FHIP1A: variants seen among roughly 807,000 people sequenced by gnomAD.
FHIP1A encodes the protein FHF complex subunit HOOK interacting protein 1A.
FHIP1A carries 61 observed loss-of-function variants against 88.6 expected under a neutral mutation model. The observed-to-expected ratio is 0.69, with a 90% CI of 0.56 to 0.85. The LOEUF (loss-of-function observed/expected upper bound fraction) is 0.85. Ranked by LOEUF, FHIP1A falls within the 40% of genes least tolerant of loss-of-function variation. The pLI, the probability that FHIP1A is intolerant of heterozygous loss-of-function variation, is 0.00. For synonymous variants in FHIP1A, 478 were observed against 496.0 expected, an observed-to-expected ratio of 0.96 and a Z score of 0.48; for missense variants, 1,154 against 1,273.5, an observed-to-expected ratio of 0.91 and a Z score of 1.43.
At chr4:151,640,232 A>C (rs1315934709) in intron 9 of FHIP1A, among the ~76,000 whole-genome samples, 1 of 152,208 alleles carries the variant, frequency 6.6e-6, no homozygotes, top group Non-Finnish European at 1.5e-5. Flanking sequence ...ACATCTTGCA[A>C]AAGAGAGTGA....
chr4:151,543,588 T>C (rs1214937058), intron 3 of FHIP1A, among the ~76,000 whole-genome samples: 1 of 152,234 alleles, frequency 6.6e-6, no homozygotes, highest in African/African-American at 2.4e-5. Flanking sequence ...TTTGTAAATA[T>C]TATACATATA....
intron 3 of FHIP1A, among the ~76,000 whole-genome samples, chr4:151,538,112 T>C (rs1431597834): frequency 1.3e-5 from 2 of 152,172 alleles, no homozygotes; most frequent in Non-Finnish European, 2.9e-5. Flanking sequence ...GTTGAGAACG[T>C]TCCCTTAGAC....
chr4:151,650,629 G>A (rs776824208), intron 11 of FHIP1A, 37 bp downstream of exon 11: 19 of 1,515,968 alleles, frequency 1.3e-5, no homozygotes, highest in Middle Eastern at 1.7e-4. Context: ...TTCTGCTTTC[G>A]AAAGTACTTG....
At chr4:151,605,467 T>G (rs1415866125) in intron 7 of FHIP1A, among the ~76,000 whole-genome samples, 1 of 152,212 alleles carries the variant, frequency 6.6e-6, no homozygotes, top group Admixed American at 6.5e-5. Context: ...ACCTTTGGTT[T>G]ATGCAAAGAG....
chr4:151,587,882 A>G (rs1734278826), intron 6 of FHIP1A, among the ~76,000 whole-genome samples: 1 of 152,068 alleles, frequency 6.6e-6, no homozygotes. Flanking sequence ...ATTTTCTTGC[A>G]GAAGTTTGTG....
At chr4:151,456,125 T>C (rs1728959533) in intron 2 of FHIP1A, among the ~76,000 whole-genome samples, 1 of 152,164 alleles carries the variant, frequency 6.6e-6, no homozygotes, top group Non-Finnish European at 1.5e-5. Context: ...TGTAAAGATA[T>C]TTACCTATTA....
intron 3 of FHIP1A, among the ~76,000 whole-genome samples, chr4:151,548,933 A>G (rs1255879426): frequency 6.6e-6 from 1 of 152,262 alleles, no homozygotes; most frequent in Non-Finnish European, 1.5e-5. Flanking sequence ...CCCCTCGCAG[A>G]TGGAACAATG....
At chr4:151,511,462 C>T (rs6838204) in intron 3 of FHIP1A, among the ~76,000 whole-genome samples, 18,925 of 152,182 alleles carry the variant, frequency 0.12, 1,297 homozygotes, top group African/African-American at 0.17. Context: ...GCACCGTGCG[C>T]GAGCCGAAGC....
At chr4:151,648,331 C>T (rs796464713) in intron 10 of FHIP1A, among the ~76,000 whole-genome samples, 39 of 152,204 alleles carry the variant, frequency 2.6e-4, no homozygotes, top group African/African-American at 7.7e-4. Flanking sequence ...GTAGTAAGTG[C>T]GCAATAAATA....
rs1211769423 is a variant in FHIP1A, at chr4:151,670,401, G to A, written c.*7647G>A. ...TTATCTTGTTTGGCCTGAGGGTTGG[G>A]GGATTTGGGGGAGTTGTCAGCTGCA... is the stretch of plus-strand genomic sequence containing the variant. On this transcript the variant is annotated 3_prime_UTR_variant, in exon 14 of 14. Coordinates refer to ENST00000435205, the MANE Select transcript of FHIP1A (RefSeq NM_001109977.3). The A allele has an allele frequency of 2.0e-5, 3 of 152,144 alleles. No homozygotes were observed. The highest frequency in any genetic ancestry group is 4.4e-5 in the Non-Finnish European group (3 of 68,034). 9.4% of individuals were successfully genotyped at this position (152,144 alleles called of 1,614,324 possible). A position where few individuals can be genotyped will look rare whatever the true frequency, so the allele number is the denominator to read the frequency against.
intron 3 of FHIP1A, among the ~76,000 whole-genome samples, chr4:151,554,903 T>C (rs996955957): frequency 2.0e-5 from 3 of 152,182 alleles, no homozygotes; most frequent in Non-Finnish European, 2.9e-5. Context: ...AATTCAAACA[T>C]TTTTGCTTTT....
intron 3 of FHIP1A, among the ~76,000 whole-genome samples, chr4:151,504,806 A>C (rs4355371): frequency 0.52 from 78,851 of 151,750 alleles, 20,784 homozygotes; most frequent in African/African-American, 0.55. Context: ...TTAGGAGAGA[A>C]GGGGTTTCAC....
chr4:151,495,058 AT>A (rs1301036467), intron 3 of FHIP1A, among the ~76,000 whole-genome samples: 1 of 152,160 alleles, frequency 6.6e-6, no homozygotes, highest in Non-Finnish European at 1.5e-5. Flanking sequence ...GAAGTTGTTT[AT>A]CAGATTTAGG....
intron 1 of FHIP1A, among the ~76,000 whole-genome samples, chr4:151,438,177 T>C (rs985650176): frequency 1.3e-5 from 2 of 152,108 alleles, no homozygotes; most frequent in Non-Finnish European, 2.9e-5. Context: ...AGAACAGCCC[T>C]GGAGATCCGT....
intron 3 of FHIP1A, among the ~76,000 whole-genome samples, chr4:151,515,969 C>CA (rs1349107253): frequency 6.6e-6 from 1 of 151,998 alleles, no homozygotes; most frequent in Admixed American, 6.6e-5. Flanking sequence ...CATATGGCAC[C>CA]AAAAAAAGAG....
intron 3 of FHIP1A, among the ~76,000 whole-genome samples, chr4:151,525,704 T>C (rs1159169701): frequency 1.3e-5 from 2 of 152,226 alleles, no homozygotes; most frequent in Admixed American, 1.3e-4. Context: ...AGATCTGTAG[T>C]GTTTTCCTGA....
In FHIP1A at chr4:151,566,161, G is replaced by A; in HGVS notation, c.-99G>A. 1.6e-6 allele frequency: 1 copy of A among 633,428 alleles called. No homozygotes were observed. The highest frequency in any genetic ancestry group is 1.9e-5 in the African/African-American group (1 of 53,012). The allele number at this position is 633,428 out of a possible 1,614,324, so 39.2% of individuals were successfully genotyped here. A position where few individuals can be genotyped will look rare whatever the true frequency, so the allele number is the denominator to read the frequency against. The stretch of plus-strand genomic sequence containing the variant: ...AGGTTTTGGAAGGTGACAATGAAAT[G>A]TGAAGAAGTTACATTTCTCAAACTT... On this transcript the variant is annotated 5_prime_UTR_variant, in exon 4 of 14. It adds an upstream start codon to the 5' untranslated region. Transcript: ENST00000435205.
At chr4:151,451,963 C>T (rs1262801653) in intron 1 of FHIP1A, among the ~76,000 whole-genome samples, 1 of 151,908 alleles carries the variant, frequency 6.6e-6, no homozygotes, top group Non-Finnish European at 1.5e-5. Context: ...TGGGACCACA[C>T]ACACACCACC....
At chr4:151,419,568 C>CTTTTTTTTTTTTTTTTTTTT (rs70941499) in intron 1 of FHIP1A, among the ~76,000 whole-genome samples, 1 of 21,984 alleles carries the variant, frequency 4.5e-5, no homozygotes, top group Admixed American at 6.0e-4. Flanking sequence ...GTTCCTCATT[C>CTTTTTTTTTTTTTTTTTTTT]TTTTTTTTTT....
Sources: gnomAD v4.1 joint callset for allele counts (sites outside exome capture counted in the v4.1 genomes callset) on GRCh38, gnomAD v4.1.1 for gene constraint, MANE v1.5 for transcripts, NCBI Gene and HGNC (gene_info 2026-07-23, HGNC 2026-07-21) for gene names.